Variants in CLNK observed in about 807,000 individuals in gnomAD.
CLNK encodes cytokine dependent hematopoietic cell linker.
A neutral mutation model predicts 68.6 loss-of-function variants in CLNK; 74 were observed. That is an observed-to-expected ratio of 1.08 (90% CI 0.89 to 1.31). CLNK has a LOEUF of 1.31. Ranked by LOEUF, CLNK falls within the 50% of genes most tolerant of loss-of-function variation. The pLI, the probability that CLNK is intolerant of heterozygous loss-of-function variation, is 0.00. For missense variants in CLNK, 553 were observed against 515.3 expected (o/e 1.07, Z -0.71); for synonymous variants, 198 against 172.2 (o/e 1.15, Z -1.17).
At chr4:10,520,433 CTAAT>C (rs1379755227) in intron 15 of CLNK, among the ~76,000 whole-genome samples, 6 of 152,144 alleles carry the variant, frequency 3.9e-5, no homozygotes, top group Non-Finnish European at 7.4e-5. Flanking sequence ...GTTGGTGAGA[CTAAT>C]TAATGTCTAC....
intron 15 of CLNK, among the ~76,000 whole-genome samples, chr4:10,517,951 A>G (rs1717905416): frequency 6.6e-6 from 1 of 152,200 alleles, no homozygotes; most frequent in East Asian, 1.9e-4. Context: ...TATGTAACTC[A>G]CTATAAGTAT....
intron 1 of CLNK, among the ~76,000 whole-genome samples, chr4:10,677,786 AG>A (rs1367994124): frequency 1.3e-5 from 2 of 152,066 alleles, no homozygotes. Context: ...TAAACTACTC[AG>A]TCTCAGAGAA....
At chr4:10,580,014 C>A (rs548526476) in intron 4 of CLNK, among the ~76,000 whole-genome samples, 1 of 152,344 alleles carries the variant, frequency 6.6e-6, no homozygotes, top group Admixed American at 6.5e-5. Context: ...CCCCCTCCAT[C>A]TCTGTATGGG....
the CLNK span, among the ~76,000 whole-genome samples, chr4:10,712,365 A>G: frequency 1.3e-5 from 2 of 152,174 alleles, no homozygotes; most frequent in Non-Finnish European, 2.9e-5. Context: ...TATAACAATA[A>G]CAATGAGAAA....
intron 2 of CLNK, among the ~76,000 whole-genome samples, chr4:10,640,286 T>C (rs1200846848): frequency 2.0e-5 from 3 of 152,168 alleles, no homozygotes; most frequent in Non-Finnish European, 1.5e-5. Context: ...TGCCTTGGCC[T>C]CCCAAGTAGC....
the CLNK span, among the ~76,000 whole-genome samples, chr4:10,729,788 C>T: frequency 6.6e-5 from 10 of 152,176 alleles, no homozygotes; most frequent in Non-Finnish European, 1.5e-4. Context: ...TGTATAATTA[C>T]CTGCCCATTA....
chr4:10,688,232 G>A (rs1056623802), upstream of CLNK, among the ~76,000 whole-genome samples: 4 of 152,152 alleles, frequency 2.6e-5, no homozygotes, highest in South Asian at 2.1e-4. Flanking sequence ...ATTTAATAGC[G>A]GATGTGCGGT....
intron 2 of CLNK, among the ~76,000 whole-genome samples, chr4:10,613,965 C>T (rs1452568556): frequency 6.6e-6 from 1 of 152,226 alleles, no homozygotes; most frequent in Non-Finnish European, 1.5e-5. Flanking sequence ...CAGGTGCTGA[C>T]CAAGGACCCT....
intron 15 of CLNK, among the ~76,000 whole-genome samples, chr4:10,514,766 T>C (rs1717755415): frequency 6.6e-6 from 1 of 151,160 alleles, no homozygotes; most frequent in Non-Finnish European, 1.5e-5. Context: ...CTAATTAAAC[T>C]AAAGAGCTTC....
chr4:10,563,867 A>G (rs1348786682), intron 7 of CLNK, among the ~76,000 whole-genome samples: 2 of 152,172 alleles, frequency 1.3e-5, no homozygotes, highest in East Asian at 3.9e-4. Flanking sequence ...AGATTGTGCC[A>G]TTGCACTCCA....
chr4:10,681,422 T>C (rs2108903744), intron 1 of CLNK, among the ~76,000 whole-genome samples: 1 of 152,302 alleles, frequency 6.6e-6, no homozygotes, highest in East Asian at 1.9e-4. Context: ...ATCTTTATCT[T>C]ACACGAAATT....
At chr4:10,514,307 C>T (rs1217162336) in intron 15 of CLNK, among the ~76,000 whole-genome samples, 8 of 151,244 alleles carry the variant, frequency 5.3e-5, no homozygotes, top group South Asian at 2.1e-4. Context: ...TGAATAATGC[C>T]GCAATAAACA....
chr4:10,558,506 C>G (rs2108818583), intron 7 of CLNK, 54 bp from the exon 8 acceptor site: 1 of 1,531,866 alleles, frequency 6.5e-7, no homozygotes, highest in Non-Finnish European at 9.0e-7. Flanking sequence ...ATGACACTAT[C>G]TGATGTCTTG....
chr4:10,504,167 T>A (rs1453633841), intron 17 of CLNK, among the ~76,000 whole-genome samples: 1 of 122,942 alleles, frequency 8.1e-6, no homozygotes, highest in East Asian at 2.4e-4. Flanking sequence ...GTCGCCCAGG[T>A]TGGAGTGCAG....
chr4:10,724,605 G>T, the CLNK span, among the ~76,000 whole-genome samples: 1 of 152,086 alleles, frequency 6.6e-6, no homozygotes, highest in Non-Finnish European at 1.5e-5. Flanking sequence ...TGTGTCCAAG[G>T]TCGTGTGAAT....
intron 2 of CLNK, among the ~76,000 whole-genome samples, chr4:10,655,101 GAAAAA>G (rs748148319): frequency 2.7e-5 from 2 of 72,820 alleles, no homozygotes; most frequent in Non-Finnish European, 2.6e-5. Context: ...ACACCGACTC[GAAAAA>G]AAAAAAAAAA....
chr4:10,712,833 C>T, the CLNK span, among the ~76,000 whole-genome samples: 115,901 of 152,140 alleles, frequency 0.76, 44,401 homozygotes, highest in Admixed American at 0.82. Context: ...TCTTGTGGAC[C>T]AACTGATGCC....
chr4:10,595,363 G>A (rs1249519055), intron 3 of CLNK, among the ~76,000 whole-genome samples: 1 of 152,148 alleles, frequency 6.6e-6, no homozygotes, highest in African/African-American at 2.4e-5. Context: ...ATCAGCTGGT[G>A]TTTTTCTTTC....
At chr4:10,541,936 C>T in intron 10 of CLNK, 86 bp downstream of exon 10, 3 of 1,012,122 alleles carry the variant, frequency 3.0e-6, no homozygotes, top group Non-Finnish European at 4.4e-6. Context: ...TTTTCAATGT[C>T]AAATGTTTGT....
Sources: allele counts gnomAD v4.1 joint callset (sites outside exome capture counted in the v4.1 genomes callset), GRCh38; gene constraint gnomAD v4.1.1; transcripts MANE v1.5; gene names NCBI Gene and HGNC (gene_info 2026-07-23, HGNC 2026-07-21).